The following DENND1B variants were observed in gnomAD, a reference collection of about 807,000 sequenced individuals.
The protein encoded by DENND1B is DENN domain containing 1B.
In DENND1B, 59 loss-of-function variants were observed where a neutral mutation model predicts 90.1. The ratio of observed to expected loss-of-function variants is 0.65; its 90% CI spans 0.53 to 0.81. The LOEUF (loss-of-function observed/expected upper bound fraction) is 0.81. Among genes scored for constraint, DENND1B ranks in the 40% least tolerant of loss-of-function variants. DENND1B has a pLI of 0.00. For synonymous variants in DENND1B, 337 were observed against 324.6 expected, an observed-to-expected ratio of 1.04 and a Z score of -0.41; for missense variants, 862 against 912.6, an observed-to-expected ratio of 0.94 and a Z score of 0.71.
chr1:197,644,034 A>T (rs887861697), intron 9 of DENND1B, among the ~76,000 whole-genome samples: 10 of 152,190 alleles, frequency 6.6e-5, no homozygotes, highest in African/African-American at 2.4e-4. Flanking sequence ...CTTTACCATC[A>T]CAAATTGGTA....
chr1:197,628,178 T>C lies in DENND1B; in HGVS notation c.673-10419A>G, dbSNP rs539643957. ...TTCACAGAATTGGAAAAAACTACTT[T>C]AAAGTTCATATAGAACCAAAAAAGA... On this transcript the variant is annotated intron_variant, in intron 10 of 22. Transcript: ENST00000620048. Among the ~76,000 whole-genome samples, 98 of 152,204 alleles carry C rather than the reference T, an allele frequency of 6.4e-4. 4 individuals are homozygous for C. The South Asian group carries it at 0.02, about 32-fold the overall frequency.
chr1:197,510,184 A>G lies in DENND1B; in HGVS notation c.*276T>C. On this transcript the variant is annotated 3_prime_UTR_variant, in exon 23 of 23. Coordinates refer to ENST00000620048, the MANE Select transcript of DENND1B (RefSeq NM_001195215.2). ...ATGCATTCTTAGCTTAAATAAAATA[A>G]ACGGCATTAAGCACCAAACACTGGG... 2.6e-6 allele frequency: 1 copy of G among 383,144 alleles called. No individual in the cohort carries two copies. Among genetic ancestry groups the G allele is most frequent in the African/African-American group, 2.1e-5 (1 of 47,908 alleles). The allele number at this position is 383,144 out of a possible 1,614,324, so 23.7% of individuals were successfully genotyped here.
At chr1:197,583,610 CTG>C (rs964645715) in intron 14 of DENND1B, among the ~76,000 whole-genome samples, 10 of 152,110 alleles carry the variant, frequency 6.6e-5, no homozygotes, top group African/African-American at 2.4e-4. Context: ...TTGGAAAACA[CTG>C]TTACTATAAA....
At chr1:197,765,169 C>A (rs1220336493) in intron 2 of DENND1B, among the ~76,000 whole-genome samples, 1 of 152,138 alleles carries the variant, frequency 6.6e-6, no homozygotes, top group Non-Finnish European at 1.5e-5. Flanking sequence ...CAAGTTCCCC[C>A]ACAAGGCCAG....
intron 2 of DENND1B, among the ~76,000 whole-genome samples, chr1:197,768,858 T>C (rs1485125852): frequency 6.6e-6 from 1 of 151,166 alleles, no homozygotes; most frequent in Non-Finnish European, 1.5e-5. Context: ...AAATGTGTTG[T>C]TCTCAAAAAA....
chr1:197,770,844 A>ATG (rs1266168831), intron 2 of DENND1B, among the ~76,000 whole-genome samples: 2 of 95,328 alleles, frequency 2.1e-5, no homozygotes, highest in East Asian at 3.1e-4. Context: ...ATAAATATAT[A>ATG]TAAATATATA....
intron 20 of DENND1B, among the ~76,000 whole-genome samples, chr1:197,513,824 C>T (rs1036749639): frequency 6.6e-6 from 1 of 151,372 alleles, no homozygotes; most frequent in African/African-American, 2.4e-5. Context: ...TCAGTTCAAC[C>T]TTCCCTCTCC....
chr1:197,547,777 C>A (rs1187723745), intron 16 of DENND1B, among the ~76,000 whole-genome samples: 1 of 151,962 alleles, frequency 6.6e-6, no homozygotes, highest in Non-Finnish European at 1.5e-5. Context: ...AATAATAAAA[C>A]ATTCCAAGTT....
At chr1:197,641,109 T>A (rs1448143193) in intron 10 of DENND1B, among the ~76,000 whole-genome samples, 1 of 152,242 alleles carries the variant, frequency 6.6e-6, no homozygotes, top group East Asian at 1.9e-4. Flanking sequence ...AACTGTTTCA[T>A]GCCAGTCGAA....
intron 15 of DENND1B, among the ~76,000 whole-genome samples, chr1:197,563,913 A>C (rs1672390451): frequency 6.6e-6 from 1 of 151,988 alleles, no homozygotes; most frequent in African/African-American, 2.4e-5. Flanking sequence ...TAAGGGGTCC[A>C]AGACTTCTTC....
chr1:197,516,086 A>T (rs1668377304), intron 20 of DENND1B, among the ~76,000 whole-genome samples: 1 of 151,848 alleles, frequency 6.6e-6, no homozygotes, highest in Admixed American at 6.6e-5. Flanking sequence ...CTAGACAAGC[A>T]TTCTATCCAT....
At chr1:197,644,240 G>C (rs555737420) in intron 9 of DENND1B, among the ~76,000 whole-genome samples, 1 of 152,296 alleles carries the variant, frequency 6.6e-6, no homozygotes, top group Non-Finnish European at 1.5e-5. Flanking sequence ...TCTCAGCATA[G>C]AGTGCTGCCT....
chr1:197,640,405 A>T (rs1335128791), intron 10 of DENND1B, among the ~76,000 whole-genome samples: 1 of 151,712 alleles, frequency 6.6e-6, no homozygotes, highest in African/African-American at 2.4e-5. Context: ...CCTGGAAGGC[A>T]GAGGTTAGAG....
At chr1:197,589,598 G>T (rs900126441) in intron 14 of DENND1B, among the ~76,000 whole-genome samples, 2 of 152,118 alleles carry the variant, frequency 1.3e-5, no homozygotes, top group African/African-American at 4.8e-5. Flanking sequence ...TTAGTGAATG[G>T]CCTTTTAAAT....
intron 2 of DENND1B, among the ~76,000 whole-genome samples, chr1:197,749,428 G>C (rs1653154940): frequency 6.6e-6 from 1 of 151,792 alleles, no homozygotes; most frequent in Admixed American, 6.6e-5. Flanking sequence ...ATATCACATA[G>C]ATAATGATTA....
intron 3 of DENND1B, among the ~76,000 whole-genome samples, chr1:197,686,459 T>A (rs1044421327): frequency 1.3e-5 from 2 of 152,044 alleles, no homozygotes; most frequent in Non-Finnish European, 2.9e-5. Flanking sequence ...TGCTACTGAG[T>A]TTTCTCAGCC....
In DENND1B at chr1:197,674,278, C is replaced by T. The variant is rs143688160; in HGVS notation, c.127-109G>A. On this transcript the variant is annotated intron_variant, in intron 3 of 22. Coordinates refer to ENST00000620048, the MANE Select transcript of DENND1B (RefSeq NM_001195215.2). ...AGGAGAAAAAGATGCTTTCTTTGTC[C>T]TTAAGAAAAATAGCACAGGTTCCTA... 438 of 767,494 alleles carry T rather than the reference C, an allele frequency of 5.7e-4. 2 individuals carry two copies. In the African/African-American group the frequency reaches 7.1e-3, roughly 12 times the overall value. 47.5% of individuals were successfully genotyped at this position (767,494 alleles called of 1,614,324 possible). A position where few individuals can be genotyped will look rare whatever the true frequency, so the allele number is the denominator to read the frequency against.
intron 17 of DENND1B, 35 bp from the exon 18 acceptor site, chr1:197,546,025 CT>C: frequency 6.4e-7 from 1 of 1,551,648 alleles, no homozygotes; most frequent in Admixed American, 2.1e-5. Context: ...TTTCCAAAAA[CT>C]TTTAGCTAAA....
At chr1:197,521,722 A>T (rs543307787) in intron 20 of DENND1B, among the ~76,000 whole-genome samples, 1 of 152,198 alleles carries the variant, frequency 6.6e-6, no homozygotes, top group East Asian at 1.9e-4. Flanking sequence ...AACAAGCTTT[A>T]AAAAGATGTG....
Sources: gnomAD v4.1 joint callset for allele counts (sites outside exome capture counted in the v4.1 genomes callset) on GRCh38, gnomAD v4.1.1 for gene constraint, MANE v1.5 for transcripts, NCBI Gene and HGNC (gene_info 2026-07-23, HGNC 2026-07-21) for gene names.